The following CTNNA3 variants were observed in gnomAD, a reference collection of about 807,000 sequenced individuals.
The protein encoded by CTNNA3 is catenin alpha-3.
In CTNNA3, 76 loss-of-function variants were observed where a neutral mutation model predicts 95.7. That is an observed-to-expected ratio of 0.79 (90% CI 0.66 to 0.96). The LOEUF (loss-of-function observed/expected upper bound fraction) is 0.96, where lower values mean the gene tolerates loss of function less well. Among genes scored for constraint, CTNNA3 ranks in the 40% least tolerant of loss-of-function variants. The pLI is 0.00. For missense variants in CTNNA3, 1,191 were observed against 1,089.8 expected (o/e 1.09, Z -1.31); for synonymous variants, 431 against 374.4 (o/e 1.15, Z -1.74).
chr10:66,321,234 A>G (rs1363574799), intron 12 of CTNNA3, among the ~76,000 whole-genome samples: 2 of 152,060 alleles, frequency 1.3e-5, no homozygotes, highest in East Asian at 3.9e-4. Flanking sequence ...AAAAATAGTT[A>G]TAACATGTTA....
At chr10:66,726,938 T>G (rs956184375) in intron 9 of CTNNA3, among the ~76,000 whole-genome samples, 3 of 152,232 alleles carry the variant, frequency 2.0e-5, no homozygotes, top group Non-Finnish European at 4.4e-5. Context: ...TCTTTGAGCT[T>G]ATTTTTCCAA....
At chr10:67,739,058 C>T (rs956112724) in intron 1 of CTNNA3, among the ~76,000 whole-genome samples, 6 of 152,254 alleles carry the variant, frequency 3.9e-5, no homozygotes, top group Middle Eastern at 3.4e-3. Flanking sequence ...CCTAGCAAGG[C>T]AGGGCAACAT....
At chr10:66,302,733 T>A (rs894681359) in intron 12 of CTNNA3, among the ~76,000 whole-genome samples, 3 of 152,094 alleles carry the variant, frequency 2.0e-5, no homozygotes, top group Non-Finnish European at 4.4e-5. Flanking sequence ...ATCTCTTCTG[T>A]AAACACAAAA....
At position 66,974,431 on chromosome 10, in the gene CTNNA3, A is replaced by C. The variant is rs551000200; in HGVS notation, c.1048-198907T>G. ...GTTGATGGACATTTAGGTTGCCTCC[A>C]GTTTTTGACTATTGTGAATTAAGCT... On this transcript the variant is annotated intron_variant, in intron 7 of 17. Coordinates refer to ENST00000433211, the MANE Select transcript of CTNNA3 (RefSeq NM_013266.4). Among the ~76,000 whole-genome samples, 3 of 152,276 alleles carry C rather than the reference A, an allele frequency of 2.0e-5. No homozygotes were observed. The East Asian group carries it at 5.8e-4, about 29-fold the overall frequency.
Position 67,177,740 on chromosome 10 carries a change from T to C in CTNNA3, c.1047+2577A>G, listed in dbSNP as rs553226442. Among the ~76,000 whole-genome samples, 81 of 152,296 alleles carry C rather than the reference T, an allele frequency of 5.3e-4. No individual in the cohort carries two copies. The Middle Eastern group carries it at 0.014, about 26-fold the overall frequency. ...AGAAGCATTATTTGTGATAGAAACC[T>C]GGAGTGACAGTAAACCTGGGGATGA... On this transcript the variant is annotated intron_variant, in intron 7 of 17. Coordinates refer to ENST00000433211, the MANE Select transcript of CTNNA3 (RefSeq NM_013266.4).
intron 12 of CTNNA3, among the ~76,000 whole-genome samples, chr10:66,309,652 C>T (rs1429339446): frequency 5.9e-5 from 8 of 135,534 alleles, no homozygotes; most frequent in Admixed American, 8.2e-5. Context: ...CGCCACTGCA[C>T]TCCAGCCTAG....
At chr10:66,260,701 G>C (rs1018877256) in intron 13 of CTNNA3, among the ~76,000 whole-genome samples, 3 of 152,116 alleles carry the variant, frequency 2.0e-5, no homozygotes, top group African/African-American at 7.2e-5. Context: ...TCTACTTACA[G>C]AACACTTGTA....
At chr10:66,464,634 G>A (rs10762072) in intron 11 of CTNNA3, among the ~76,000 whole-genome samples, 11,237 of 151,838 alleles carry the variant, frequency 0.074, 840 homozygotes, top group East Asian at 0.27. Flanking sequence ...GTGGTGGTGC[G>A]TGCCTGTAAT....
chr10:66,389,373 T>A (rs1426583859), intron 11 of CTNNA3, among the ~76,000 whole-genome samples: 1 of 152,140 alleles, frequency 6.6e-6, no homozygotes, highest in Non-Finnish European at 1.5e-5. Flanking sequence ...AGCTTCAGAG[T>A]ATCAGCTTAA....
At chr10:66,425,479 A>T (rs912360170) in intron 11 of CTNNA3, among the ~76,000 whole-genome samples, 3 of 151,810 alleles carry the variant, frequency 2.0e-5, no homozygotes, top group Admixed American at 6.6e-5. Context: ...CTGTACACAC[A>T]CTCAGATACG....
intron 13 of CTNNA3, among the ~76,000 whole-genome samples, chr10:66,168,767 G>C (rs2085269835): frequency 6.6e-6 from 1 of 152,084 alleles, no homozygotes; most frequent in Non-Finnish European, 1.5e-5. Context: ...GAAAATCATA[G>C]AACTAATGCT....
chr10:66,760,675 A>T (rs1157606909), intron 9 of CTNNA3, among the ~76,000 whole-genome samples: 1 of 152,146 alleles, frequency 6.6e-6, no homozygotes, highest in African/African-American at 2.4e-5. Context: ...TTATATTCCA[A>T]AGACCGTAAG....
chr10:67,483,666 A>C (rs1299972351), intron 5 of CTNNA3, among the ~76,000 whole-genome samples: 3 of 151,690 alleles, frequency 2.0e-5, no homozygotes, highest in African/African-American at 7.3e-5. Flanking sequence ...CTAAATGACG[A>C]GTTAATGGGT....
rs997052641 is a variant in CTNNA3 at position 67,462,971 on chromosome 10, C to G, written c.579+58871G>C. 6.6e-5 allele frequency among the ~76,000 whole-genome samples: 10 copies of G among 151,500 alleles called. No homozygotes were observed. The East Asian group carries it at 1.9e-3, about 29-fold the overall frequency. On this transcript the variant is annotated intron_variant, in intron 5 of 17. Coordinates refer to ENST00000433211, the MANE Select transcript of CTNNA3 (RefSeq NM_013266.4). ...CCAGGCTGGAGTGCAGTCACATGAC[C>G]TCGGCTCACTGCAACCTCTACCTCC...
intron 7 of CTNNA3, among the ~76,000 whole-genome samples, chr10:67,006,759 C>T (rs1925618): frequency 0.9 from 137,659 of 152,128 alleles, 62,680 homozygotes; most frequent in Middle Eastern, 0.98. Flanking sequence ...CTGTTTGATA[C>T]ATTTGTTCTC....
chr10:66,583,374 C>T (rs1466949532), intron 10 of CTNNA3, among the ~76,000 whole-genome samples: 2 of 151,600 alleles, frequency 1.3e-5, no homozygotes, highest in African/African-American at 4.8e-5. Context: ...TTATTGGCCT[C>T]TTCAGGATTT....
chr10:66,020,560 T>A (rs1195429616), intron 15 of CTNNA3, among the ~76,000 whole-genome samples: 1 of 152,222 alleles, frequency 6.6e-6, no homozygotes, highest in Non-Finnish European at 1.5e-5. Flanking sequence ...ACATTCTGGC[T>A]GGTAAACTTT....
intron 7 of CTNNA3, among the ~76,000 whole-genome samples, chr10:66,965,470 G>A (rs1297226862): frequency 2.6e-5 from 4 of 151,344 alleles, no homozygotes; most frequent in African/African-American, 9.7e-5. Context: ...GGGAGGCAGA[G>A]GTTGCAGTGA....
At chr10:66,936,705 C>T (rs1196641382) in intron 7 of CTNNA3, among the ~76,000 whole-genome samples, 1 of 152,020 alleles carries the variant, frequency 6.6e-6, no homozygotes, top group South Asian at 2.1e-4. Flanking sequence ...TCTCAGCATC[C>T]CATTTCCATG....
Sources: allele counts gnomAD v4.1 joint callset (sites outside exome capture counted in the v4.1 genomes callset), GRCh38; gene constraint gnomAD v4.1.1; transcripts MANE v1.5; gene names NCBI Gene and HGNC (gene_info 2026-07-23, HGNC 2026-07-21).